The following SMARCA2 variants were observed in gnomAD, a reference collection of about 807,000 sequenced individuals.
The protein encoded by SMARCA2 is SWI/SNF related BAF chromatin remodeling complex subunit ATPase 2.
Under a neutral mutation model 199.8 loss-of-function variants are expected in SMARCA2, and 61 were observed. That is an observed-to-expected ratio of 0.31 (90% confidence interval 0.25 to 0.38). The LOEUF (loss-of-function observed/expected upper bound fraction) is 0.38, where lower values mean the gene tolerates loss of function less well. Among genes scored for constraint, SMARCA2 ranks in the 10% least tolerant of loss-of-function variants. The pLI is 1.00. For synonymous variants in SMARCA2, 935 were observed against 732.0 expected, an observed-to-expected ratio of 1.28 and a Z score of -4.48; for missense variants, 1,344 against 2,012.2, an observed-to-expected ratio of 0.67 and a Z score of 6.35.
At position 2,123,469 on chromosome 9, in the gene SMARCA2, T is replaced by G. The variant is rs894718833; in HGVS notation, c.3763-250T>G. Among the ~76,000 whole-genome samples, 1 of 152,314 alleles carries G rather than the reference T, an allele frequency of 6.6e-6. No individual in the cohort carries two copies. The highest frequency in any genetic ancestry group is 1.9e-4 in the East Asian group (1 of 5,182). On this transcript the variant is annotated intron_variant, in intron 26 of 33. Transcript: ENST00000349721. This position sits in a 1 kb window ranked among gnomAD's most constrained non-coding sequence, Gnocchi z 4.1. ...ATACACACAGACTAAGAAAAGGAAATTCTTTAAAAGTACTTTTTAAATGTA... is the reference window on the plus strand; with the variant it reads ...ATACACACAGACTAAGAAAAGGAAAGTCTTTAAAAGTACTTTTTAAATGTA...
At chr9:2,134,248 G>A (rs1271592513) in intron 27 of SMARCA2, among the ~76,000 whole-genome samples, 1 of 152,206 alleles carries the variant, frequency 6.6e-6, no homozygotes, top group African/African-American at 2.4e-5. Flanking sequence ...GGAATTAAAA[G>A]AGAACAATAT....
chr9:2,148,046 C>G (rs2130709565), intron 27 of SMARCA2, among the ~76,000 whole-genome samples: 1 of 151,760 alleles, frequency 6.6e-6, no homozygotes, highest in East Asian at 1.9e-4. Flanking sequence ...TTTACACTTG[C>G]CTCCCAGTTG....
intron 26 of SMARCA2, among the ~76,000 whole-genome samples, chr9:2,121,852 C>T (rs1823475133): frequency 1.3e-5 from 2 of 152,126 alleles, no homozygotes; most frequent in South Asian, 2.1e-4. Flanking sequence ...AGACATTTTG[C>T]TAACATACAA....
chr9:2,080,113 A>G (rs1586683026), intron 14 of SMARCA2: 3 of 152,206 alleles, frequency 2.0e-5, no homozygotes, highest in African/African-American at 7.2e-5. Flanking sequence ...CTCATAAACC[A>G]GTTCAAGTTG....
At chr9:2,129,507 C>T (rs1024675286) in intron 27 of SMARCA2, among the ~76,000 whole-genome samples, 6 of 152,282 alleles carry the variant, frequency 3.9e-5, no homozygotes, top group South Asian at 2.1e-4. Context: ...GTGGAGTCAG[C>T]GTCCATCAGT....
intron 23 of SMARCA2, among the ~76,000 whole-genome samples, chr9:2,107,524 G>C (rs1822810032): frequency 6.6e-6 from 1 of 151,952 alleles, no homozygotes; most frequent in African/African-American, 2.4e-5. Context: ...TACCATGTTG[G>C]CCAGGGTGAT....
At chr9:2,133,138 C>G (rs776403157) in intron 27 of SMARCA2, among the ~76,000 whole-genome samples, 6 of 152,214 alleles carry the variant, frequency 3.9e-5, no homozygotes, top group Non-Finnish European at 5.9e-5. Context: ...TGAATTTGGC[C>G]TACAGATACT....
In SMARCA2 at chr9:2,161,727, A is replaced by C; in HGVS notation, c.4023A>C (p.Val1341=). ...ATTTGGAGGAAATGGAAGAGGAAGT[A>C]CGGCTTAAGAAGCGAAAAAGACGAA... ...DGNLEEMEEE[V]RLKKRKRRRN... is the part of the protein sequence containing the mutation. Residue 1341 remains valine (V), a synonymous_variant, in exon 28 of 34, where the codon GTA becomes GTC. Transcript: ENST00000349721. The surrounding 1 kb of genome is among the most constrained non-coding windows in gnomAD (Gnocchi z 4.7). The C allele has an allele frequency of 6.2e-7, 1 of 1,614,086 alleles. No homozygotes were observed.
intron 9 of SMARCA2, among the ~76,000 whole-genome samples, chr9:2,062,012 C>T (rs1195554258): frequency 1.3e-5 from 2 of 152,094 alleles, no homozygotes; most frequent in Non-Finnish European, 2.9e-5. Flanking sequence ...ATTTTCTTGT[C>T]AGTGTAGCAT....
chr9:2,076,435 C>T (rs1563751927), intron 13 of SMARCA2, 106 bp downstream of exon 13: 1 of 744,044 alleles, frequency 1.3e-6, no homozygotes, highest in Non-Finnish European at 2.4e-6. Context: ...TTCACGCCTA[C>T]ACTCTGCTTG....
intron 27 of SMARCA2, among the ~76,000 whole-genome samples, chr9:2,127,566 G>C (rs1823752424): frequency 6.6e-6 from 1 of 152,200 alleles, no homozygotes; most frequent in South Asian, 2.1e-4. Flanking sequence ...ACTTGAGCTG[G>C]AAGTGGGGAA....
rs1821801058 is a variant in SMARCA2 at position 2,086,298 on chromosome 9, A to G, written c.2527-531A>G. The stretch of plus-strand genomic sequence containing the variant: ...ACAAAACAAAACACACTTCCGGGCC[A>G]AGCCCTAAAGGTAGTAACCAGCCAG... On this transcript the variant is annotated intron_variant, in intron 17 of 33. Coordinates refer to ENST00000349721, the MANE Select transcript of SMARCA2 (RefSeq NM_003070.5). The surrounding 1 kb of genome is among the most constrained non-coding windows in gnomAD (Gnocchi z 4.3). 6.6e-6 allele frequency among the ~76,000 whole-genome samples: 1 copy of G among 152,218 alleles called. No individual in the cohort carries two copies. Among genetic ancestry groups the G allele is most frequent in the Admixed American group, 6.5e-5 (1 of 15,282 alleles).
At chr9:2,065,946 A>T (rs1227074028) in intron 9 of SMARCA2, among the ~76,000 whole-genome samples, 2 of 152,336 alleles carry the variant, frequency 1.3e-5, no homozygotes, top group East Asian at 1.9e-4. Context: ...CAGTTACTTG[A>T]GTCAAAATGT....
chr9:2,183,391 C>T (rs1297170863), intron 31 of SMARCA2, among the ~76,000 whole-genome samples: 1 of 152,202 alleles, frequency 6.6e-6, no homozygotes, highest in South Asian at 2.1e-4. Context: ...TATAAATGAA[C>T]TGAATTTATT....
intron 27 of SMARCA2, among the ~76,000 whole-genome samples, chr9:2,126,842 C>T (rs897047189): frequency 6.6e-6 from 1 of 152,220 alleles, no homozygotes; most frequent in Non-Finnish European, 1.5e-5. Flanking sequence ...ACCTTTTTGT[C>T]TGTGTAGCCC....
chr9:2,097,567 A>G (rs1243340032), intron 21 of SMARCA2, 96 bp downstream of exon 21: 3 of 738,480 alleles, frequency 4.1e-6, no homozygotes, highest in African/African-American at 1.8e-5. Flanking sequence ...AAACCAAAAT[A>G]GATTTAAAAC....
intron 27 of SMARCA2, chr9:2,158,988 T>G: frequency 1.9e-6 from 3 of 1,612,060 alleles, no homozygotes; most frequent in Non-Finnish European, 2.5e-6. Flanking sequence ...GGTCAGTACT[T>G]TGTGTGTTTC....
rs1000137055 is a variant in SMARCA2, at chr9:2,169,684, G to A, written c.4200-735G>A. On this transcript the variant is annotated intron_variant, in intron 28 of 33. Coordinates refer to ENST00000349721, the MANE Select transcript of SMARCA2 (RefSeq NM_003070.5). This position sits in a 1 kb window ranked among gnomAD's most constrained non-coding sequence, Gnocchi z 6.5. ...CTACACCTGGAGGGAGATCTAGAGG[G>A]TATGGAGGGTCTTCCCAGGATCTGT... Among the ~76,000 whole-genome samples the A allele has an allele frequency of 1.3e-5, 2 of 152,090 alleles. No individual in the cohort carries two copies. Among genetic ancestry groups the A allele is most frequent in the African/African-American group, 2.4e-5 (1 of 41,406 alleles).
chr9:2,032,594 A>G (rs1819118526), intron 2 of SMARCA2: 2 of 163,542 alleles, frequency 1.2e-5, no homozygotes, highest in African/African-American at 4.8e-5. Flanking sequence ...CTTCCTTCAG[A>G]CTTCAGACTA....
Sources: gnomAD v4.1 joint callset for allele counts (sites outside exome capture counted in the v4.1 genomes callset) on GRCh38, gnomAD v4.1.1 for gene constraint, Gnocchi (gnomAD v3.1) non-coding constraint, MANE v1.5 for transcripts, NCBI Gene and HGNC (gene_info 2026-07-23, HGNC 2026-07-21) for gene names.